NAALADL2: variants seen among roughly 807,000 people sequenced by gnomAD.
NAALADL2 encodes inactive N-acetylated-alpha-linked acidic dipeptidase-like protein 2.
NAALADL2 carries 76 observed loss-of-function variants against 87.2 expected under a neutral mutation model. That is an observed-to-expected ratio of 0.87 (90% confidence interval 0.72 to 1.05). NAALADL2 has a LOEUF of 1.05. Ranked by LOEUF, NAALADL2 falls within the 50% of genes least tolerant of loss-of-function variation. The pLI, the probability that NAALADL2 is intolerant of heterozygous loss-of-function variation, is 0.00. For missense variants in NAALADL2, 1,089 were observed against 945.8 expected, an observed-to-expected ratio of 1.15 and a Z score of -1.99; for synonymous variants, 354 against 331.0, an observed-to-expected ratio of 1.07 and a Z score of -0.75.
At chr3:174,938,074 A>T (rs1364006160) in intron 1 of NAALADL2, among the ~76,000 whole-genome samples, 1 of 152,008 alleles carries the variant, frequency 6.6e-6, no homozygotes, top group African/African-American at 2.4e-5. Flanking sequence ...TTTGTTATAC[A>T]GGTAAACTCC....
At chr3:175,051,630 C>T (rs1428146526) in intron 1 of NAALADL2, among the ~76,000 whole-genome samples, 1 of 152,168 alleles carries the variant, frequency 6.6e-6, no homozygotes, top group Non-Finnish European at 1.5e-5. Context: ...CATAATCTAA[C>T]CATGGGCGCA....
intron 1 of NAALADL2, among the ~76,000 whole-genome samples, chr3:175,043,458 C>T (rs10212460): frequency 0.21 from 32,285 of 151,960 alleles, 3,601 homozygotes; most frequent in East Asian, 0.37. Flanking sequence ...AGGCTGGCCT[C>T]GAACTCCTGA....
chr3:175,317,182 A>G (rs1029665518), intron 4 of NAALADL2, among the ~76,000 whole-genome samples: 7 of 152,166 alleles, frequency 4.6e-5, no homozygotes. Flanking sequence ...CATGTTACCA[A>G]ATATACTCAG....
chr3:175,631,142 A>G (rs1443851232), intron 11 of NAALADL2, among the ~76,000 whole-genome samples: 1 of 151,728 alleles, frequency 6.6e-6, no homozygotes, highest in Admixed American at 6.6e-5. Context: ...AGACTTTGCT[A>G]TAGATTGCAA....
chr3:175,494,193 C>G (rs1033319348), intron 9 of NAALADL2, among the ~76,000 whole-genome samples: 1 of 151,832 alleles, frequency 6.6e-6, no homozygotes, highest in Non-Finnish European at 1.5e-5. Context: ...TATAAACAAC[C>G]TGATTTTTAC....
rs6798088 is a variant in NAALADL2, at chr3:175,545,885, C to T, written c.1654-30156C>T. ...ATATCACCATAGATCTATTGATGAACTTAACAAAATATTTGCTATGTGCCT... is the reference window on the plus strand; with the variant it reads ...ATATCACCATAGATCTATTGATGAATTTAACAAAATATTTGCTATGTGCCT... On this transcript the variant is annotated intron_variant, in intron 9 of 13. Coordinates refer to ENST00000454872, the MANE Select transcript of NAALADL2 (RefSeq NM_207015.3). 8.9e-3 allele frequency among the ~76,000 whole-genome samples: 1,350 copies of T among 152,192 alleles called. 24 individuals are homozygous for T. The highest frequency in any genetic ancestry group is 0.031 in the African/African-American group (1,283 of 41,556).
intron 1 of NAALADL2, among the ~76,000 whole-genome samples, chr3:175,039,148 T>G (rs1435345301): frequency 6.6e-6 from 1 of 152,176 alleles, no homozygotes; most frequent in Non-Finnish European, 1.5e-5. Context: ...TTATAAAGTT[T>G]CAGCTACAAG....
intron 1 of NAALADL2, among the ~76,000 whole-genome samples, chr3:174,473,931 T>C (rs9852925): frequency 0.11 from 17,371 of 152,054 alleles, 1,736 homozygotes; most frequent in East Asian, 0.43. Flanking sequence ...AGGAAACTTA[T>C]AATCATGGTG....
intron 3 of NAALADL2, among the ~76,000 whole-genome samples, chr3:174,846,175 C>T (rs768958359): frequency 6.6e-6 from 1 of 152,168 alleles, no homozygotes; most frequent in East Asian, 1.9e-4. Context: ...AAGAATAAGT[C>T]CCCTTTGACT....
intron 5 of NAALADL2, among the ~76,000 whole-genome samples, chr3:175,379,202 T>G (rs1271353283): frequency 6.6e-6 from 1 of 152,032 alleles, no homozygotes; most frequent in Non-Finnish European, 1.5e-5. Context: ...TTTTTTTTTT[T>G]TTTTCCTGTA....
At chr3:174,794,020 C>G (rs946681211) in intron 3 of NAALADL2, among the ~76,000 whole-genome samples, 4 of 151,954 alleles carry the variant, frequency 2.6e-5, no homozygotes, top group African/African-American at 7.2e-5. Flanking sequence ...TACTAAAAAT[C>G]CTTCCATTAC....
chr3:175,121,575 C>T (rs538682500), intron 2 of NAALADL2, among the ~76,000 whole-genome samples: 171 of 151,936 alleles, frequency 1.1e-3, no homozygotes, highest in African/African-American at 4.0e-3. Flanking sequence ...AATTGTTGCT[C>T]TTACGGGAAA....
At chr3:175,538,424 C>G (rs1426118223) in intron 9 of NAALADL2, among the ~76,000 whole-genome samples, 1 of 151,746 alleles carries the variant, frequency 6.6e-6, no homozygotes, top group East Asian at 1.9e-4. Flanking sequence ...AGGAAAGGCT[C>G]TAGATTACCA....
rs1043930058 is a variant in NAALADL2, at chr3:174,794,855, T to C, written c.-9+57109T>C. ...CATTTATTGCTTACTAAAAAAATCA[T>C]GATCTATAGAAATTCATGAAAATTT... On this transcript the variant is annotated intron_variant, in intron 3 of 3. Transcript: ENST00000434257. 6.6e-5 allele frequency among the ~76,000 whole-genome samples: 10 copies of C among 152,168 alleles called. No individual in the cohort carries two copies. The East Asian group carries it at 1.9e-3, about 29-fold the overall frequency.
At chr3:174,809,738 A>G (rs1719945545) in intron 3 of NAALADL2, among the ~76,000 whole-genome samples, 1 of 152,184 alleles carries the variant, frequency 6.6e-6, no homozygotes, top group African/African-American at 2.4e-5. Flanking sequence ...GAATTTCTCT[A>G]CTAACTATAA....
At chr3:174,454,913 T>C (rs558707270) in intron 1 of NAALADL2, among the ~76,000 whole-genome samples, 74 of 148,688 alleles carry the variant, frequency 5.0e-4, no homozygotes, top group African/African-American at 1.7e-3. Context: ...GACTGAGACA[T>C]AGAAAAGCAC....
At chr3:175,750,972 G>T (rs907242382) in intron 12 of NAALADL2, among the ~76,000 whole-genome samples, 6 of 152,056 alleles carry the variant, frequency 3.9e-5, no homozygotes, top group Non-Finnish European at 7.4e-5. Flanking sequence ...AAGGGAAAAA[G>T]AATAAATGCA....
intron 2 of NAALADL2, among the ~76,000 whole-genome samples, chr3:175,172,739 G>A (rs1371078774): frequency 1.3e-5 from 2 of 152,066 alleles, no homozygotes; most frequent in Admixed American, 6.6e-5. Flanking sequence ...AATAGTAAAG[G>A]AATTTCATTG....
chr3:175,190,996 AAAG>A (rs1190521468), intron 2 of NAALADL2, among the ~76,000 whole-genome samples: 5 of 151,500 alleles, frequency 3.3e-5, no homozygotes, highest in East Asian at 3.9e-4. Flanking sequence ...AAAAAAAAAA[AAAG>A]AAAAAGAAAA....
Sources: gnomAD v4.1 joint callset for allele counts (sites outside exome capture counted in the v4.1 genomes callset) on GRCh38, gnomAD v4.1.1 for gene constraint, MANE v1.5 for transcripts, NCBI Gene and HGNC (gene_info 2026-07-23, HGNC 2026-07-21) for gene names.